The following COX14 variants were observed in gnomAD, a reference collection of about 807,000 sequenced individuals.
COX14 encodes the protein cytochrome c oxidase assembly protein COX14.
Under a neutral mutation model 5.8 loss-of-function variants are expected in COX14, and 3 were observed. The observed-to-expected ratio is 0.51, with a 90% confidence interval of 0.23 to 1.33. The LOEUF (loss-of-function observed/expected upper bound fraction) is 1.33, where lower values mean the gene tolerates loss of function less well. COX14 is among the 40% of genes most tolerant of loss of function. The probability of loss-of-function intolerance (pLI) is 0.18; values close to 1 mark genes in which losing one functional copy is unlikely to be tolerated. For missense variants in COX14, 72 were observed against 72.1 expected, an observed-to-expected ratio of 1.00 and a Z score of 0.01; for synonymous variants, 25 against 26.1, an observed-to-expected ratio of 0.96 and a Z score of 0.13.
Position 50,120,199 on chromosome 12 carries a change from G to A in COX14, c.156G>A (p.Lys52=), listed in dbSNP as rs749266692. 6.2e-7 allele frequency: 1 copy of A among 1,614,062 alleles called. No homozygotes were observed. Among genetic ancestry groups the A allele is most frequent in the East Asian group, 2.2e-5 (1 of 44,884 alleles). Reference sequence around the variant, plus strand: ...AGCGCCAGGCCGCAGAAGAACAGAAGACCTCAGGAATCATGTAGAACTGGG... The same window carrying A: ...AGCGCCAGGCCGCAGAAGAACAGAAAACCTCAGGAATCATGTAGAACTGGG... ...RAQRQAAEEQ[K]TSGIM Residue 52 remains lysine, a synonymous_variant, in exon 2 of 2, where the codon AAG becomes AAA. Transcript: ENST00000550487.
chr12:50,114,408 C>T (rs541208328), intron 1 of COX14, among the ~76,000 whole-genome samples: 10 of 151,856 alleles, frequency 6.6e-5, no homozygotes, highest in Non-Finnish European at 1.0e-4. Context: ...TGCCACCCCA[C>T]GCCTGGCTAA....
chr12:50,113,303 ATTTT>A (rs36016055), intron 1 of COX14, among the ~76,000 whole-genome samples: 1 of 138,870 alleles, frequency 7.2e-6, no homozygotes, highest in Non-Finnish European at 1.6e-5. Flanking sequence ...CGTTTACGCA[ATTTT>A]TTTTTTTTTT....
Position 50,120,207 on chromosome 12 carries a change from G to T in COX14, c.164G>T (p.Gly55Val). 9.9e-6 allele frequency: 16 copies of T among 1,613,748 alleles called. 1 individual carries two copies. Among genetic ancestry groups the T allele is most frequent in the Non-Finnish European group, 1.4e-5 (16 of 1,179,926 alleles). Residue 55 changes from glycine to valine, a missense_variant, in exon 2 of 2, where the codon GGA becomes GTA. Coordinates refer to ENST00000550487, the MANE Select transcript of COX14 (RefSeq NM_032901.4). ...GCCGCAGAAGAACAGAAGACCTCAG[G>T]AATCATGTAGAACTGGGGGGCTTTT... ...RQAAEEQKTS[G>V]IM
intron 1 of COX14, among the ~76,000 whole-genome samples, chr12:50,114,919 C>A (rs1311472088): frequency 6.6e-6 from 1 of 151,384 alleles, no homozygotes; most frequent in African/African-American, 2.4e-5. Context: ...AGGCAGGCGC[C>A]ACCATGCCCA....
chr12:50,113,303 A>ATT (rs36016055), intron 1 of COX14, among the ~76,000 whole-genome samples: 20 of 138,874 alleles, frequency 1.4e-4, no homozygotes, highest in African/African-American at 2.4e-4. Context: ...CGTTTACGCA[A>ATT]TTTTTTTTTT....
chr12:50,112,522 T>C, intron 1 of COX14: 4 of 972,946 alleles, frequency 4.1e-6, no homozygotes, highest in Non-Finnish European at 4.9e-6. Context: ...AGCTCAGCGC[T>C]AATCCTGTCA....
At chr12:50,118,435 G>A in intron 1 of COX14, 1 of 985,220 alleles carries the variant, frequency 1.0e-6, no homozygotes, top group Non-Finnish European at 1.2e-6. Flanking sequence ...CCCCGTCCTT[G>A]ATGGACATCA....
intron 1 of COX14, among the ~76,000 whole-genome samples, chr12:50,118,780 A>G (rs1485551080): frequency 6.6e-6 from 1 of 152,112 alleles, no homozygotes; most frequent in African/African-American, 2.4e-5. Context: ...AAATATATCT[A>G]TATATCTATA....
At chr12:50,116,053 A>T (rs979643501) in intron 1 of COX14, among the ~76,000 whole-genome samples, 20 of 149,588 alleles carry the variant, frequency 1.3e-4, no homozygotes, top group African/African-American at 4.7e-4. Flanking sequence ...TGTTCTTTCC[A>T]CTTCTACTGC....
chr12:50,113,470 A>AT (rs1312900106), intron 1 of COX14, among the ~76,000 whole-genome samples: 1 of 149,658 alleles, frequency 6.7e-6, no homozygotes, highest in Non-Finnish European at 1.5e-5. Flanking sequence ...CGCCCGGCTA[A>AT]TTTTTTGTGT....
At chr12:50,119,203 G>A (rs750882784) in intron 1 of COX14, among the ~76,000 whole-genome samples, 6 of 152,166 alleles carry the variant, frequency 3.9e-5, no homozygotes, top group Non-Finnish European at 7.3e-5. Flanking sequence ...GCTTAAACAA[G>A]CTTTAGTGTT....
intron 1 of COX14, among the ~76,000 whole-genome samples, chr12:50,116,149 G>A (rs564505013): frequency 1.4e-4 from 21 of 149,646 alleles, no homozygotes; most frequent in East Asian, 3.9e-4. Context: ...CTGGAGTGCC[G>A]TGGCACTCTC....
Position 50,120,327 on chromosome 12 carries a change from C to G in COX14, c.*110C>G. 1.1e-6 allele frequency: 1 copy of G among 943,850 alleles called. No individual in the cohort carries two copies. The highest frequency in any genetic ancestry group is 1.8e-5 in the South Asian group (1 of 56,436). The allele number at this position is 943,850 out of a possible 1,614,324, so 58.5% of individuals were successfully genotyped here. On this transcript the variant is annotated 3_prime_UTR_variant, in exon 2 of 2. Coordinates refer to ENST00000550487, the MANE Select transcript of COX14 (RefSeq NM_032901.4). ...GACTAGAGCGTTGATGGTTTTCAAACCCTGTTGGAAGAAAGTGCCCATGGT... is the reference window on the plus strand; with the variant it reads ...GACTAGAGCGTTGATGGTTTTCAAAGCCTGTTGGAAGAAAGTGCCCATGGT...
chr12:50,119,409 C>T (rs1008637174), intron 1 of COX14, among the ~76,000 whole-genome samples: 4 of 152,224 alleles, frequency 2.6e-5, no homozygotes, highest in African/African-American at 9.6e-5. Context: ...GCAGCCCTGG[C>T]TGGTGCAGTG....
chr12:50,116,059 ACTG>A (rs1206865509), intron 1 of COX14, among the ~76,000 whole-genome samples: 2 of 149,820 alleles, frequency 1.3e-5, no homozygotes, highest in African/African-American at 4.9e-5. Context: ...TTCCACTTCT[ACTG>A]CTACCACTGC....
Position 50,120,177 on chromosome 12 carries a change from G to C in COX14, c.134G>C (p.Arg45Pro). 6.2e-7 allele frequency: 1 copy of C among 1,614,188 alleles called. No individual in the cohort carries two copies. Among genetic ancestry groups the C allele is most frequent in the Non-Finnish European group, 8.5e-7 (1 of 1,180,034 alleles). Residue 45 changes from arginine to proline, a missense_variant, in exon 2 of 2, where the codon CGC (arginine) becomes CCC (proline). Arg to Pro is a moderately radical substitution (Grantham distance 103). Coordinates refer to ENST00000550487, the MANE Select transcript of COX14 (RefSeq NM_032901.4). ...TATTTCCAGTGGCGCAGGGCCCAGC[G>C]CCAGGCCGCAGAAGAACAGAAGACC... ...YHYFQWRRAQ[R>P]QAAEEQKTSG...
chr12:50,114,519 T>C (rs1274903423), intron 1 of COX14, among the ~76,000 whole-genome samples: 2 of 152,126 alleles, frequency 1.3e-5, no homozygotes, highest in Non-Finnish European at 1.5e-5. Flanking sequence ...CCCAAAGTGC[T>C]GGGACTACAG....
chr12:50,116,357 T>C (rs1297105667), intron 1 of COX14, among the ~76,000 whole-genome samples: 1 of 152,222 alleles, frequency 6.6e-6, no homozygotes, highest in East Asian at 1.9e-4. Context: ...CCTCCCAAAC[T>C]GTTGGGATTA....
chr12:50,112,615 A>G (rs1357178831), intron 1 of COX14: 8 of 335,328 alleles, frequency 2.4e-5, no homozygotes, highest in Non-Finnish European at 3.4e-5. Context: ...GCGTCCTGAT[A>G]AGTGGCTCTC....
Sources: allele counts gnomAD v4.1 joint callset (sites outside exome capture counted in the v4.1 genomes callset), GRCh38; gene constraint gnomAD v4.1.1; transcripts MANE v1.5; gene names NCBI Gene and HGNC (gene_info 2026-07-23, HGNC 2026-07-21).